ENOX1: variants seen among roughly 807,000 people sequenced by gnomAD.
The protein encoded by ENOX1 is ecto-NOX disulfide-thiol exchanger 1.
A neutral mutation model predicts 82.5 loss-of-function variants in ENOX1; 42 were observed. That is an observed-to-expected ratio of 0.51 (90% CI 0.40 to 0.66). The LOEUF (loss-of-function observed/expected upper bound fraction) is 0.66. ENOX1 is among the 30% of genes least tolerant of loss of function. The pLI, the probability that ENOX1 is intolerant of heterozygous loss-of-function variation, is 0.00. For synonymous variants in ENOX1, 271 were observed against 282.2 expected (o/e 0.96, Z 0.40); for missense variants, 608 against 811.6 (o/e 0.75, Z 3.05).
intron 3 of ENOX1, among the ~76,000 whole-genome samples, chr13:43,416,354 C>G (rs1463218429): frequency 7.0e-6 from 1 of 142,924 alleles, no homozygotes; most frequent in South Asian, 2.3e-4. Flanking sequence ...CCAGATGGGG[C>G]GGCCGGACAG....
At chr13:43,643,837 C>T (rs1410175668) in intron 2 of ENOX1, among the ~76,000 whole-genome samples, 3 of 152,102 alleles carry the variant, frequency 2.0e-5, no homozygotes, top group Non-Finnish European at 4.4e-5. Flanking sequence ...ACTTTCCTCT[C>T]CTCATCTCCC....
chr13:43,306,816 T>A (rs1258369362), intron 11 of ENOX1, among the ~76,000 whole-genome samples: 2 of 95,058 alleles, frequency 2.1e-5, no homozygotes, highest in East Asian at 6.4e-4. Flanking sequence ...TGCTCTACCC[T>A]CTACATAGAA....
intron 2 of ENOX1, among the ~76,000 whole-genome samples, chr13:43,507,760 G>A (rs1335827833): frequency 6.6e-6 from 1 of 151,936 alleles, no homozygotes; most frequent in Non-Finnish European, 1.5e-5. Flanking sequence ...CTAGGAAAAA[G>A]GGGATTTCTA....
At chr13:43,264,730 A>T (rs2044269618) in intron 14 of ENOX1, among the ~76,000 whole-genome samples, 1 of 152,240 alleles carries the variant, frequency 6.6e-6, no homozygotes, top group Admixed American at 6.5e-5. Flanking sequence ...ATCATCAAAC[A>T]TATGGAGAGG....
In ENOX1 at chr13:43,355,899, C is replaced by A. The variant is rs753849649; in HGVS notation, c.823+20G>T. On this transcript the variant is annotated intron_variant, in intron 8 of 16. Transcript: ENST00000690772. ...GGGGATCCCTGTGGAGGAAGAAAAG[C>A]CAGCGTGGGTGGCCCATACCTTTCA... 1 of 1,596,414 alleles carries A rather than the reference C, an allele frequency of 6.3e-7. No individual in the cohort carries two copies. Among genetic ancestry groups the A allele is most frequent in the East Asian group, 2.2e-5 (1 of 44,650 alleles).
At chr13:43,420,481 G>T (rs912304277) in intron 3 of ENOX1, among the ~76,000 whole-genome samples, 1 of 152,226 alleles carries the variant, frequency 6.6e-6, no homozygotes, top group Admixed American at 6.5e-5. Context: ...AATGGGTCCT[G>T]TTAACTACTG....
Position 43,285,810 on chromosome 13 carries a change from C to CAA in ENOX1, c.1446+12534_1446+12535dup, listed in dbSNP as rs11417324. Among the ~76,000 whole-genome samples, 351 of 67,052 alleles carry CAA rather than the reference C, an allele frequency of 5.2e-3. 6 individuals carry two copies. The highest frequency in any genetic ancestry group is 5.8e-3 in the African/African-American group (101 of 17,446). The allele number at this position is 67,052 out of a possible 152,430, so 44.0% of individuals were successfully genotyped here. On this transcript the variant is annotated intron_variant, in intron 12 of 16. Transcript: ENST00000690772. ...GGGTGACAAGAGTGAGACTCTGTCT[C>CAA]AAAAAAAAAAAAAAAAAAAAAAGAG...
At chr13:43,576,750 G>C (rs2080443963) in intron 2 of ENOX1, among the ~76,000 whole-genome samples, 1 of 152,156 alleles carries the variant, frequency 6.6e-6, no homozygotes. Flanking sequence ...CTTCCAGAAA[G>C]ATTAAATTAC....
intron 2 of ENOX1, among the ~76,000 whole-genome samples, chr13:43,532,145 T>C (rs1458591422): frequency 6.6e-6 from 1 of 152,040 alleles, no homozygotes; most frequent in African/African-American, 2.4e-5. Context: ...AATAAATAGC[T>C]CTGTTAAAAT....
chr13:43,356,098 T>A lies in ENOX1; in HGVS notation c.644A>T (p.His215Leu). ...STDKKDSGRL[H>L]VDFAQARDDF... ...ATCCCTGGCCTGGGCAAAGTCCACA[T>A]GAAGGCGGCCTGAATCCTTTTTGTC... Residue 215 changes from histidine to leucine, a missense_variant, in exon 8 of 17, where the codon CAT becomes CTT. Transcript: ENST00000690772. The A allele has an allele frequency of 6.2e-7, 1 of 1,614,186 alleles. No individual in the cohort carries two copies. The highest frequency in any genetic ancestry group is 1.1e-5 in the South Asian group (1 of 91,082).
intron 12 of ENOX1, among the ~76,000 whole-genome samples, chr13:43,278,990 C>A (rs2045223860): frequency 6.6e-6 from 1 of 152,022 alleles, no homozygotes; most frequent in Admixed American, 6.6e-5. Flanking sequence ...AAAAAAGGAT[C>A]CTCTGAGTGT....
chr13:43,298,801 T>C (rs1385256813), intron 11 of ENOX1, among the ~76,000 whole-genome samples: 2 of 152,216 alleles, frequency 1.3e-5, no homozygotes, highest in East Asian at 3.8e-4. Context: ...CCTTGACCTC[T>C]CCCTCAATGC....
chr13:43,535,944 T>C (rs924140940), intron 2 of ENOX1, among the ~76,000 whole-genome samples: 1 of 152,186 alleles, frequency 6.6e-6, no homozygotes, highest in African/African-American at 2.4e-5. Flanking sequence ...AATAATGGCC[T>C]GTAGCATAAA....
At chr13:43,368,130 A>T (rs904223275) in intron 5 of ENOX1, among the ~76,000 whole-genome samples, 1 of 152,242 alleles carries the variant, frequency 6.6e-6, no homozygotes, top group African/African-American at 2.4e-5. Flanking sequence ...ATCTTTCCAA[A>T]GAGTTTCAAA....
At chr13:43,459,725 G>A (rs1231624065) in intron 3 of ENOX1, among the ~76,000 whole-genome samples, 1 of 152,142 alleles carries the variant, frequency 6.6e-6, no homozygotes, top group East Asian at 1.9e-4. Context: ...TGGGTGCGGT[G>A]GCTCCCACCT....
intron 3 of ENOX1, among the ~76,000 whole-genome samples, chr13:43,445,538 G>A (rs79631492): frequency 0.016 from 2,381 of 152,208 alleles, 59 homozygotes; most frequent in African/African-American, 0.054. Flanking sequence ...GAGGAATGGC[G>A]CTCAGGTCTT....
chr13:43,218,001 T>C (rs555010568), intron 16 of ENOX1, among the ~76,000 whole-genome samples: 43 of 152,294 alleles, frequency 2.8e-4, no homozygotes, highest in African/African-American at 1.0e-3. Flanking sequence ...ACTAAGTCAT[T>C]TAATATCAAG....
chr13:43,265,296 CA>C (rs2153478848), intron 14 of ENOX1, 101 bp downstream of exon 14: 1 of 956,126 alleles, frequency 1.0e-6, no homozygotes, highest in East Asian at 2.6e-5. Flanking sequence ...TGCTGACAGG[CA>C]GAGCTTCTGA....
At chr13:43,260,572 C>T (rs1422233117) in intron 14 of ENOX1, among the ~76,000 whole-genome samples, 1 of 152,162 alleles carries the variant, frequency 6.6e-6, no homozygotes, top group Admixed American at 6.5e-5. Flanking sequence ...GTTCTCCCTC[C>T]TCATCCTTCC....
Sources: allele counts gnomAD v4.1 joint callset (sites outside exome capture counted in the v4.1 genomes callset), GRCh38; gene constraint gnomAD v4.1.1; transcripts MANE v1.5; gene names NCBI Gene and HGNC (gene_info 2026-07-23, HGNC 2026-07-21).